WWOX: variants seen among roughly 807,000 people sequenced by gnomAD.
WWOX encodes WW domain containing oxidoreductase.
A neutral mutation model predicts 46.2 loss-of-function variants in WWOX; 69 were observed. The ratio of observed to expected loss-of-function variants is 1.49; its 90% CI spans 1.23 to 1.82. WWOX has a LOEUF of 1.82. Among genes scored for constraint, WWOX ranks in the 40% most tolerant of loss-of-function variants. The pLI, the probability that WWOX is intolerant of heterozygous loss-of-function variation, is 0.00. For synonymous variants in WWOX, 359 were observed against 202.6 expected, an observed-to-expected ratio of 1.77 and a Z score of -6.56; for missense variants, 919 against 542.6, an observed-to-expected ratio of 1.69 and a Z score of -6.89.
chr16:78,311,271 T>A (rs890708341), intron 5 of WWOX, among the ~76,000 whole-genome samples: 21 of 152,208 alleles, frequency 1.4e-4, no homozygotes, highest in Admixed American at 3.9e-4. Flanking sequence ...CCAATTTTTT[T>A]GGTAATCCAA....
At chr16:78,329,894 G>T (rs1343270430) in intron 5 of WWOX, among the ~76,000 whole-genome samples, 1 of 151,772 alleles carries the variant, frequency 6.6e-6, no homozygotes, top group South Asian at 2.1e-4. Flanking sequence ...CTACAGGCGT[G>T]TACCACCATG....
chr16:78,138,074 G>C (rs997694138), intron 4 of WWOX, among the ~76,000 whole-genome samples: 4 of 150,594 alleles, frequency 2.7e-5, no homozygotes, highest in African/African-American at 9.8e-5. Context: ...TTGTCTAGCA[G>C]ACTGTTCTTG....
intron 8 of WWOX, among the ~76,000 whole-genome samples, chr16:79,156,613 A>T (rs59557179): frequency 2.0e-5 from 3 of 152,156 alleles, no homozygotes; most frequent in African/African-American, 7.2e-5. Flanking sequence ...AGTTAAAAAA[A>T]AATTGTGAAG....
At chr16:78,429,090 T>C (rs2083155836) in intron 7 of WWOX, among the ~76,000 whole-genome samples, 1 of 152,234 alleles carries the variant, frequency 6.6e-6, no homozygotes, top group Non-Finnish European at 1.5e-5. Context: ...TATTGAGTCC[T>C]TACTATGTGT....
At chr16:78,880,587 T>C (rs1014482830) in intron 8 of WWOX, among the ~76,000 whole-genome samples, 2 of 152,244 alleles carry the variant, frequency 1.3e-5, no homozygotes, top group Admixed American at 6.5e-5. Flanking sequence ...AGGCAGGTTT[T>C]TGCATTTGGA....
intron 7 of WWOX, among the ~76,000 whole-genome samples, chr16:78,426,026 C>T (rs78045534): frequency 0.027 from 4,043 of 152,236 alleles, 143 homozygotes; most frequent in East Asian, 0.09. Flanking sequence ...CTCCCAAACA[C>T]AGGGGCTTAT....
At chr16:78,314,638 C>A (rs1420529951) in intron 5 of WWOX, among the ~76,000 whole-genome samples, 9 of 148,112 alleles carry the variant, frequency 6.1e-5, no homozygotes, top group Non-Finnish European at 1.2e-4. Context: ...GATTCTTCTG[C>A]CTCAGCCCCC....
intron 8 of WWOX, among the ~76,000 whole-genome samples, chr16:78,695,652 A>T (rs1440195195): frequency 6.6e-6 from 1 of 152,224 alleles, no homozygotes; most frequent in Non-Finnish European, 1.5e-5. Context: ...GCTGGAAATA[A>T]AACTGTGTAT....
At chr16:78,440,844 C>T (rs1312239877) in intron 8 of WWOX, among the ~76,000 whole-genome samples, 2 of 151,918 alleles carry the variant, frequency 1.3e-5, no homozygotes, top group Non-Finnish European at 2.9e-5. Flanking sequence ...GTCTCAAACT[C>T]CTGACCTCAG....
At chr16:78,226,844 C>G (rs4887948) in intron 5 of WWOX, among the ~76,000 whole-genome samples, 23,814 of 152,090 alleles carry the variant, frequency 0.16, 2,076 homozygotes, top group Non-Finnish European at 0.2. Flanking sequence ...TGCTCCCAGC[C>G]TAAGGATTTC....
intron 8 of WWOX, among the ~76,000 whole-genome samples, chr16:78,818,970 A>C (rs1219772179): frequency 6.6e-6 from 1 of 152,210 alleles, no homozygotes. Context: ...AGGGTAAGCC[A>C]CTTAATCTCT....
chr16:78,458,023 G>T (rs540058454), intron 8 of WWOX, among the ~76,000 whole-genome samples: 2 of 151,312 alleles, frequency 1.3e-5, no homozygotes, highest in South Asian at 2.1e-4. Flanking sequence ...GTTGCAGTGA[G>T]CCAAGATGGT....
chr16:78,177,857 G>A (rs1262017947), intron 5 of WWOX, among the ~76,000 whole-genome samples: 1 of 152,218 alleles, frequency 6.6e-6, no homozygotes, highest in African/African-American at 2.4e-5. Context: ...AGAAAAGGAC[G>A]AGACGGGGAC....
chr16:79,057,364 AAAG>A (rs1328400916), intron 8 of WWOX, among the ~76,000 whole-genome samples: 1 of 152,238 alleles, frequency 6.6e-6, no homozygotes, highest in African/African-American at 2.4e-5. Flanking sequence ...ATCGAAGAGA[AAAG>A]AAGACCACTG....
intron 1 of WWOX, among the ~76,000 whole-genome samples, chr16:78,106,757 G>T (rs1228760195): frequency 6.6e-6 from 1 of 152,118 alleles, no homozygotes; most frequent in Non-Finnish European, 1.5e-5. Context: ...GATGGTGGTT[G>T]ATGTACAAAG....
chr16:79,061,387 C>T (rs951441159), intron 8 of WWOX, among the ~76,000 whole-genome samples: 2 of 152,184 alleles, frequency 1.3e-5, no homozygotes, highest in Non-Finnish European at 1.5e-5. Flanking sequence ...AATGCAGTTC[C>T]ACGATCCACT....
chr16:78,247,255 T>A (rs1835059901), intron 5 of WWOX, among the ~76,000 whole-genome samples: 1 of 152,086 alleles, frequency 6.6e-6, no homozygotes, highest in Admixed American at 6.5e-5. Context: ...CTGACATTGT[T>A]TGGAATCACC....
chr16:78,319,765 C>G (rs761212269), intron 5 of WWOX, among the ~76,000 whole-genome samples: 4 of 152,210 alleles, frequency 2.6e-5, no homozygotes, highest in African/African-American at 9.6e-5. Flanking sequence ...ACCGAGGTCT[C>G]TCTGTGCTAC....
chr16:78,524,501 G>A (rs1418997230), intron 8 of WWOX, among the ~76,000 whole-genome samples: 5 of 151,676 alleles, frequency 3.3e-5, no homozygotes, highest in African/African-American at 1.2e-4. Flanking sequence ...GCTCACTGCA[G>A]CCTCTGCCTC....
Sources: allele counts gnomAD v4.1 joint callset (sites outside exome capture counted in the v4.1 genomes callset), GRCh38; gene constraint gnomAD v4.1.1; transcripts MANE v1.5; gene names NCBI Gene and HGNC (gene_info 2026-07-23, HGNC 2026-07-21).